B3GNT5: variants seen among roughly 807,000 people sequenced by gnomAD.
B3GNT5 encodes UDP-GlcNAc:betaGal beta-1,3-N-acetylglucosaminyltransferase 5, also known as lactosylceramide 1,3-N-acetyl-beta-D-glucosaminyltransferase.
Under a neutral mutation model 25.9 loss-of-function variants are expected in B3GNT5, and 11 were observed. That is an observed-to-expected ratio of 0.42 (90% CI 0.27 to 0.70). B3GNT5 has a LOEUF of 0.70. B3GNT5 is among the 30% of genes least tolerant of loss of function. B3GNT5 has a pLI of 0.23. For missense variants in B3GNT5, 385 were observed against 458.4 expected, an observed-to-expected ratio of 0.84 and a Z score of 1.46; for synonymous variants, 166 against 158.6, an observed-to-expected ratio of 1.05 and a Z score of -0.35.
rs1175122883 is a variant in B3GNT5, at chr3:183,269,534, G to GCCGC, written c.-262_-259dup. 3 of 387,252 alleles carry GCCGC rather than the reference G, an allele frequency of 7.7e-6. No individual in the cohort carries two copies. Among genetic ancestry groups the GCCGC allele is most frequent in the Non-Finnish European group, 1.4e-5 (3 of 217,632 alleles). The allele number at this position is 387,252 out of a possible 1,614,324, so 24.0% of individuals were successfully genotyped here. On this transcript the variant is annotated 5_prime_UTR_variant, in exon 2 of 2. An upstream open reading frame in the 5' UTR loses its in-frame stop. Coordinates refer to ENST00000326505, the MANE Select transcript of B3GNT5 (RefSeq NM_032047.5). ...TATTCACATGGGAGAGCCGCATGAG[G>GCCGC]CCGCCCACCACGCTTCCTGAAGGAT... is the stretch of plus-strand genomic sequence containing the variant.
At chr3:183,264,386 GAC>G (rs1022880311) in intron 1 of B3GNT5, among the ~76,000 whole-genome samples, 1 of 152,236 alleles carries the variant, frequency 6.6e-6, no homozygotes, top group African/African-American at 2.4e-5. Context: ...GTGTCATGCA[GAC>G]ACACTGTACC....
In B3GNT5 at chr3:183,264,673, A is replaced by T. The variant is rs541976470; in HGVS notation, c.-301-4825A>T. Among the ~76,000 whole-genome samples, 53 of 152,348 alleles carry T rather than the reference A, an allele frequency of 3.5e-4. 1 individual carries two copies. The highest frequency in any genetic ancestry group is 1.2e-3 in the African/African-American group (51 of 41,584). The stretch of plus-strand genomic sequence containing the variant: ...AACTTCAAAACGGATAGCAGGTTTC[A>T]CATATTATCTCAGCATCACAAAAGT... On this transcript the variant is annotated intron_variant, in intron 1 of 1. Transcript: ENST00000326505.
intron 1 of B3GNT5, among the ~76,000 whole-genome samples, chr3:183,263,615 A>G (rs1725820937): frequency 6.6e-6 from 1 of 152,040 alleles, no homozygotes; most frequent in Admixed American, 6.5e-5. Flanking sequence ...CATTCATGAA[A>G]TTAGTCATCT....
At chr3:183,257,652 CTATCA>C (rs2108404529) in intron 1 of B3GNT5, among the ~76,000 whole-genome samples, 1 of 152,324 alleles carries the variant, frequency 6.6e-6, no homozygotes, top group Non-Finnish European at 1.5e-5. Context: ...TATAAACCCT[CTATCA>C]AGTGTTGCTT....
chr3:183,261,521 CTG>C (rs532977445), intron 1 of B3GNT5, among the ~76,000 whole-genome samples: 46 of 152,160 alleles, frequency 3.0e-4, no homozygotes, highest in African/African-American at 1.1e-3. Context: ...TTTTTAAAAA[CTG>C]TGACTCACCG....
chr3:183,270,715 A>C lies in B3GNT5; in HGVS notation c.917A>C (p.Glu306Ala), dbSNP rs1478132397. 1.2e-6 allele frequency: 2 copies of C among 1,613,462 alleles called. No individual in the cohort carries two copies. The highest frequency in any genetic ancestry group is 4.5e-5 in the East Asian group (2 of 44,884). The change falls in exon 2 of 2, where the codon GAG becomes GCG. Residue 306 changes from glutamate (E) to alanine (A), a missense_variant. Transcript: ENST00000326505. This position sits in a 1 kb window ranked among gnomAD's most constrained non-coding sequence, Gnocchi z 4.5. ...VPQDHVFFSG[E>A]GKTPYHPCIY... ...CAGGACCATGTGTTTTTTTCTGGAGAGGGTAAAACTCCTTATCATCCCTGC... is the reference window on the plus strand; with the variant it reads ...CAGGACCATGTGTTTTTTTCTGGAGCGGGTAAAACTCCTTATCATCCCTGC...
At chr3:183,253,984 T>C (rs1404482659) in intron 1 of B3GNT5, 1 of 151,934 alleles carries the variant, frequency 6.6e-6, no homozygotes. Context: ...GATGGTTCGT[T>C]CTCCGTGCCG....
chr3:183,254,469 T>G (rs541238498), intron 1 of B3GNT5, among the ~76,000 whole-genome samples: 1 of 151,920 alleles, frequency 6.6e-6, no homozygotes, highest in East Asian at 1.9e-4. Context: ...GGCCAGCGGC[T>G]GGGACCCAGG....
rs1724686547 is a variant in B3GNT5 at position 183,253,315 on chromosome 3, C to G, written c.-459C>G. On this transcript the variant is annotated 5_prime_UTR_variant, in exon 1 of 2. Coordinates refer to ENST00000326505, the MANE Select transcript of B3GNT5 (RefSeq NM_032047.5). The stretch of plus-strand genomic sequence containing the variant: ...TCCAGCGCTGCCCGTCCAGTCCTCG[C>G]CCAAGATTTAAAGCCCGCAAGTTTT... The G allele has an allele frequency of 6.6e-6, 1 of 152,052 alleles. No individual in the cohort carries two copies. The highest frequency in any genetic ancestry group is 2.4e-5 in the African/African-American group (1 of 41,406). The allele number at this position is 152,052 out of a possible 1,614,324, so 9.4% of individuals were successfully genotyped here.
rs1434612175 is a variant in B3GNT5 at position 183,272,322 on chromosome 3, G to A, written c.*1387G>A. ...GAGATTATATGAAGGCCAAAATAAT[G>A]ACTTCAGCAAGAGTGACTGAACTCA... is the stretch of plus-strand genomic sequence containing the variant. On this transcript the variant is annotated 3_prime_UTR_variant, in exon 2 of 2. Transcript: ENST00000326505. The A allele has an allele frequency of 1.0e-6, 1 of 1,000,254 alleles. No individual in the cohort carries two copies. The highest frequency in any genetic ancestry group is 1.1e-4 in the East Asian group (1 of 8,816). The allele number at this position is 1,000,254 out of a possible 1,614,324, so 62.0% of individuals were successfully genotyped here. A position where few individuals can be genotyped will look rare whatever the true frequency, so the allele number is the denominator to read the frequency against.
In B3GNT5 at chr3:183,271,853, A is replaced by T. The variant is rs1047371878; in HGVS notation, c.*918A>T. 1 of 167,108 alleles carries T rather than the reference A, an allele frequency of 6.0e-6. No individual in the cohort carries two copies. The highest frequency in any genetic ancestry group is 6.5e-5 in the Admixed American group (1 of 15,282). 10.4% of individuals were successfully genotyped at this position (167,108 alleles called of 1,614,324 possible). A position where few individuals can be genotyped will look rare whatever the true frequency, so the allele number is the denominator to read the frequency against. ...GAGACTTCAAATGGAAAGACAGAACATTACAAGCCTAATGTCTCCATAATT... is the reference window on the plus strand; with the variant it reads ...GAGACTTCAAATGGAAAGACAGAACTTTACAAGCCTAATGTCTCCATAATT... On this transcript the variant is annotated 3_prime_UTR_variant, in exon 2 of 2. Coordinates refer to ENST00000326505, the MANE Select transcript of B3GNT5 (RefSeq NM_032047.5).
At chr3:183,253,980 T>C (rs1347671515) in intron 1 of B3GNT5, 1 of 152,028 alleles carries the variant, frequency 6.6e-6, no homozygotes, top group Non-Finnish European at 1.5e-5. Context: ...CACGGATGGT[T>C]CGTTCTCCGT....
intron 1 of B3GNT5, among the ~76,000 whole-genome samples, chr3:183,266,589 A>G (rs1467888388): frequency 6.6e-6 from 1 of 151,532 alleles, no homozygotes; most frequent in Non-Finnish European, 1.5e-5. Context: ...AGCACTGTGG[A>G]AAGACTGAGA....
intron 1 of B3GNT5, among the ~76,000 whole-genome samples, chr3:183,269,279 T>C (rs950327844): frequency 1.4e-5 from 2 of 143,880 alleles, no homozygotes; most frequent in Admixed American, 1.4e-4. Flanking sequence ...GTCTCTGTAC[T>C]CTGAATGGGA....
At chr3:183,254,810 G>A (rs1430761667) in intron 1 of B3GNT5, 1 of 152,238 alleles carries the variant, frequency 6.6e-6, no homozygotes, top group Non-Finnish European at 1.5e-5. Flanking sequence ...GGGCAGGCGG[G>A]GAGACTGCAG....
Position 183,272,009 on chromosome 3 carries a change from A to G in B3GNT5, c.*1074A>G. 1 of 399,786 alleles carries G rather than the reference A, an allele frequency of 2.5e-6. No individual in the cohort carries two copies. Among genetic ancestry groups the G allele is most frequent in the Non-Finnish European group, 3.6e-6 (1 of 281,256 alleles). 24.8% of individuals were successfully genotyped at this position (399,786 alleles called of 1,614,324 possible). On this transcript the variant is annotated 3_prime_UTR_variant, in exon 2 of 2. Transcript: ENST00000326505. Reference sequence around the variant, plus strand: ...GAGTTTTAAATTGAGAGCATTAAACATCAAAGTTATAATATCTAAAACAAT... The same window carrying G: ...GAGTTTTAAATTGAGAGCATTAAACGTCAAAGTTATAATATCTAAAACAAT...
At chr3:183,255,480 C>T (rs80054626) in intron 1 of B3GNT5, among the ~76,000 whole-genome samples, 1 of 152,190 alleles carries the variant, frequency 6.6e-6, no homozygotes, top group Non-Finnish European at 1.5e-5. Flanking sequence ...CTCCCGCACA[C>T]GCTCTGAGCA....
At position 183,272,416 on chromosome 3, in the gene B3GNT5, C is replaced by T. The variant is rs575108143; in HGVS notation, c.*1481C>T. On this transcript the variant is annotated 3_prime_UTR_variant, in exon 2 of 2. Transcript: ENST00000326505. ...GATGTCTCATATAATAAGGTGATGT[C>T]GGAAACACGCAAAACAAAACGAAAA... is the stretch of plus-strand genomic sequence containing the variant. 143 of 1,000,146 alleles carry T rather than the reference C, an allele frequency of 1.4e-4. No homozygotes were observed. Among genetic ancestry groups the T allele is most frequent in the African/African-American group, 9.6e-4 (55 of 57,328 alleles). 62.0% of individuals were successfully genotyped at this position (1,000,146 alleles called of 1,614,324 possible).
At position 183,270,832 on chromosome 3, in the gene B3GNT5, C is replaced by T. The variant is rs1236388980; in HGVS notation, c.1034C>T (p.Ser345Phe). Residue 345 changes from serine to phenylalanine, a missense_variant, in exon 2 of 2, where the codon TCC (serine) becomes TTC (phenylalanine). Coordinates refer to ENST00000326505, the MANE Select transcript of B3GNT5 (RefSeq NM_032047.5). This position sits in a 1 kb window ranked among gnomAD's most constrained non-coding sequence, Gnocchi z 4.5. ...ACAGATCCTAAAGTAAAAACCATTT[C>T]CAAAGGTTTTTTTGGTCAAATATAC... The part of the protein sequence containing the change: ...NATDPKVKTI[S>F]KGFFGQIYCR... 1.2e-6 allele frequency: 2 copies of T among 1,613,712 alleles called. No individual in the cohort carries two copies. The highest frequency in any genetic ancestry group is 1.7e-5 in the Admixed American group (1 of 59,942).
Sources: gnomAD v4.1 joint callset for allele counts (sites outside exome capture counted in the v4.1 genomes callset) on GRCh38, gnomAD v4.1.1 for gene constraint, Gnocchi (gnomAD v3.1) non-coding constraint, MANE v1.5 for transcripts, NCBI Gene and HGNC (gene_info 2026-07-23, HGNC 2026-07-21) for gene names.